Variants in CCDC141 observed in about 807,000 individuals in gnomAD.
CCDC141 encodes the protein coiled-coil domain containing 141, also known as coiled-coil domain-containing protein 141.
In CCDC141, 168 loss-of-function variants were observed where a neutral mutation model predicts 181.0. That is an observed-to-expected ratio of 0.93 (90% CI 0.82 to 1.05). CCDC141 has a LOEUF of 1.05. Ranked by LOEUF, CCDC141 falls within the 50% of genes least tolerant of loss-of-function variation. CCDC141 has a pLI of 0.00. For synonymous variants in CCDC141, 666 were observed against 642.3 expected (o/e 1.04, Z -0.56); for missense variants, 1,902 against 1,788.5 (o/e 1.06, Z -1.14).
Position 178,974,260 on chromosome 2 carries a change from G to C in CCDC141, c.526+797C>G, listed in dbSNP as rs1341270011. On this transcript the variant is annotated intron_variant, in intron 4 of 23. Transcript: ENST00000443758. ...ACAGGCTGGTGGAGCTAGAAGTCAA[G>C]TTAGAACTGTGACAAATGAATTCAA... Among the ~76,000 whole-genome samples, 5 of 152,294 alleles carry C rather than the reference G, an allele frequency of 3.3e-5. No homozygotes were observed. The East Asian group carries it at 7.7e-4, about 23-fold the overall frequency.
At chr2:178,872,705 A>G (rs1397533247) in intron 12 of CCDC141, among the ~76,000 whole-genome samples, 1 of 152,226 alleles carries the variant, frequency 6.6e-6, no homozygotes, top group Non-Finnish European at 1.5e-5. Flanking sequence ...ACGTCAAAAT[A>G]TCAGTATCAA....
chr2:178,845,828 A>T, intron 21 of CCDC141, 86 bp from the exon 22 acceptor site: 1 of 775,934 alleles, frequency 1.3e-6, no homozygotes, highest in Non-Finnish European at 2.3e-6. Flanking sequence ...GAAAACATAG[A>T]CCACTTGCAA....
rs1236258182 is a variant in CCDC141 at position 178,855,561 on chromosome 2, T to G, written c.2866-20A>C. The G allele has an allele frequency of 5.3e-6, 8 of 1,513,176 alleles. No individual in the cohort carries two copies. Among genetic ancestry groups the G allele is most frequent in the Non-Finnish European group, 7.1e-6 (8 of 1,121,824 alleles). The allele number at this position is 1,513,176 out of a possible 1,614,324, so 93.7% of individuals were successfully genotyped here. ...CAAAGCCTGTGTGAAAAACAAAAAGTTTTTTAAACAACATTCAATTTGTAT... is the reference window on the plus strand; with the variant it reads ...CAAAGCCTGTGTGAAAAACAAAAAGGTTTTTAAACAACATTCAATTTGTAT... On this transcript the variant is annotated intron_variant, in intron 18 of 23. Coordinates refer to ENST00000443758, the MANE Select transcript of CCDC141 (RefSeq NM_173648.4).
Position 178,850,220 on chromosome 2 carries a change from T to C in CCDC141, c.3245-59A>G. The C allele has an allele frequency of 5.8e-6, 5 of 863,526 alleles. 1 individual carries two copies. The highest frequency in any genetic ancestry group is 5.6e-5 in the South Asian group (4 of 71,370). 53.5% of individuals were successfully genotyped at this position (863,526 alleles called of 1,614,324 possible). On this transcript the variant is annotated intron_variant, in intron 20 of 23. Transcript: ENST00000443758. ...GTCAAATTTTTAGCAAGAAGAAAAG[T>C]CCAGGTATAAATTCATCTCCCTGTC...
chr2:179,035,028 T>C (rs960730438), intron 2 of CCDC141, among the ~76,000 whole-genome samples: 4 of 152,160 alleles, frequency 2.6e-5, no homozygotes, highest in African/African-American at 9.7e-5. Context: ...TATCAGTTTT[T>C]CTGTCAAGGT....
chr2:179,015,288 TATATCTCATATATGTATCATAC>T (rs1559049300), intron 2 of CCDC141, among the ~76,000 whole-genome samples: 35 of 124,328 alleles, frequency 2.8e-4, no homozygotes, highest in African/African-American at 4.0e-4. Context: ...CTATCTCTCA[TATATCTCATATATGTATCATAC>T]ATATCTCATA....
chr2:178,821,055 A>G, the CCDC141 span, among the ~76,000 whole-genome samples: 2 of 152,096 alleles, frequency 1.3e-5, no homozygotes, highest in African/African-American at 4.8e-5. Flanking sequence ...GACAAGATCT[A>G]TGCTGACTTT....
chr2:178,956,475 G>A (rs190249555), intron 5 of CCDC141, among the ~76,000 whole-genome samples: 22 of 151,874 alleles, frequency 1.4e-4, no homozygotes, highest in Middle Eastern at 3.4e-3. Flanking sequence ...TTGTGCATGT[G>A]TGTTTTTTGT....
chr2:178,982,547 G>A (rs1691469118), intron 2 of CCDC141, among the ~76,000 whole-genome samples: 1 of 152,194 alleles, frequency 6.6e-6, no homozygotes, highest in Non-Finnish European at 1.5e-5. Flanking sequence ...ATTTCCATCT[G>A]AGGTACCGGG....
intron 6 of CCDC141, among the ~76,000 whole-genome samples, chr2:178,927,407 A>T (rs1688947193): frequency 6.6e-6 from 1 of 152,044 alleles, no homozygotes; most frequent in South Asian, 2.1e-4. Context: ...AAGCCGTCTT[A>T]TTGGGTCTTA....
Position 178,837,709 on chromosome 2 carries a change from A to G in CCDC141, c.3510T>C (p.Asn1170=), listed in dbSNP as rs961975198. 6.2e-7 allele frequency: 1 copy of G among 1,613,056 alleles called. No individual in the cohort carries two copies. Among genetic ancestry groups the G allele is most frequent in the Non-Finnish European group, 8.5e-7 (1 of 1,179,530 alleles). ...GTGGTAGTCGCTCTTCCCCTGTTCC[A>G]TTGATGCCCAAAAGATCTGCCACCT... ...QVQVADLLGI[N]GTGEERLPQD... The change falls in exon 23 of 24, where the codon AAT becomes AAC. Residue 1170 remains asparagine (N), a synonymous_variant. Transcript: ENST00000443758.
At chr2:178,902,890 G>A (rs1687772723) in intron 8 of CCDC141, among the ~76,000 whole-genome samples, 1 of 148,696 alleles carries the variant, frequency 6.7e-6, no homozygotes, top group Non-Finnish European at 1.5e-5. Context: ...AATCTACAGT[G>A]AACTCAAACA....
At chr2:178,986,663 T>C (rs1320894410) in intron 2 of CCDC141, among the ~76,000 whole-genome samples, 1 of 151,746 alleles carries the variant, frequency 6.6e-6, no homozygotes, top group Non-Finnish European at 1.5e-5. Context: ...AGCATTCCTA[T>C]ACACCAACAA....
At chr2:179,015,745 T>TATATATCTCATATATATATCTC in intron 2 of CCDC141, among the ~76,000 whole-genome samples, 1 of 63,730 alleles carries the variant, frequency 1.6e-5, no homozygotes, top group Admixed American at 1.4e-4. Context: ...ATATATATCT[T>TATATATCTCATATATATATCTC]ATATATATCT....
At chr2:178,867,938 T>A in intron 16 of CCDC141, 88 bp downstream of exon 16, 1 of 1,048,996 alleles carries the variant, frequency 9.5e-7, no homozygotes, top group Admixed American at 2.0e-5. Flanking sequence ...ATTTAACATA[T>A]ACTAAGCAAT....
At chr2:178,944,041 GAA>G (rs1044067496) in intron 6 of CCDC141, among the ~76,000 whole-genome samples, 1 of 152,054 alleles carries the variant, frequency 6.6e-6, no homozygotes, top group East Asian at 1.9e-4. Flanking sequence ...TCTCAGTGTA[GAA>G]AAAAAATTTT....
the CCDC141 span, among the ~76,000 whole-genome samples, chr2:178,824,061 AACACACACAC>A: frequency 6.1e-5 from 9 of 147,524 alleles, no homozygotes; most frequent in South Asian, 2.2e-4. Context: ...TACAGAGAAA[AACACACACAC>A]ACACACACAC....
the CCDC141 span, among the ~76,000 whole-genome samples, chr2:178,819,552 G>A: frequency 6.6e-6 from 1 of 152,186 alleles, no homozygotes. Context: ...TCTTGACCAA[G>A]CTTATGCTAT....
At chr2:178,932,486 T>C (rs1689138844) in intron 6 of CCDC141, among the ~76,000 whole-genome samples, 1 of 152,196 alleles carries the variant, frequency 6.6e-6, no homozygotes, top group Non-Finnish European at 1.5e-5. Flanking sequence ...CACGGTTTGG[T>C]AACATGTAAT....
Sources: gnomAD v4.1 joint callset for allele counts (sites outside exome capture counted in the v4.1 genomes callset) on GRCh38, gnomAD v4.1.1 for gene constraint, MANE v1.5 for transcripts, NCBI Gene and HGNC (gene_info 2026-07-23, HGNC 2026-07-21) for gene names.